AGBL1: variants seen among roughly 807,000 people sequenced by gnomAD.
The protein encoded by AGBL1 is AGBL carboxypeptidase 1, also known as cytosolic carboxypeptidase 4.
Under a neutral mutation model 118.9 loss-of-function variants are expected in AGBL1, and 130 were observed. The observed-to-expected ratio is 1.09, with a 90% CI of 0.95 to 1.26. The LOEUF is 1.26. Ranked by LOEUF, AGBL1 falls within the 50% of genes most tolerant of loss-of-function variation. The probability of loss-of-function intolerance (pLI) is 0.00; values close to 1 mark genes in which losing one functional copy is unlikely to be tolerated. For missense variants in AGBL1, 1,584 were observed against 1,298.1 expected (o/e 1.22, Z -3.38); for synonymous variants, 555 against 478.9 (o/e 1.16, Z -2.08).
At chr15:86,380,924 A>C (rs551781007) in intron 17 of AGBL1, among the ~76,000 whole-genome samples, 1 of 145,914 alleles carries the variant, frequency 6.9e-6, no homozygotes, top group Non-Finnish European at 1.5e-5. Flanking sequence ...TCTAATCCAC[A>C]TTACTTATAA....
At chr15:87,000,852 A>G (rs1201410973) in intron 24 of AGBL1, among the ~76,000 whole-genome samples, 3 of 147,632 alleles carry the variant, frequency 2.0e-5, no homozygotes, top group Admixed American at 6.9e-5. Context: ...GATTCTTCCT[A>G]CCCATGAGCA....
In AGBL1 at chr15:86,273,768, A is replaced by G. The variant is rs887648697; in HGVS notation, c.2075+2062A>G. On this transcript the variant is annotated intron_variant, in intron 15 of 22. Transcript: ENST00000614907. ...CTGTTAAAGTCCCAGATTTGGTGCC[A>G]TGTTTTAAGAGGATGCCAGGGTGCT... 2.0e-5 allele frequency among the ~76,000 whole-genome samples: 3 copies of G among 152,128 alleles called. No homozygotes were observed. The East Asian group carries it at 5.8e-4, about 29-fold the overall frequency.
intron 17 of AGBL1, among the ~76,000 whole-genome samples, chr15:86,357,269 A>G (rs896094409): frequency 2.6e-5 from 4 of 152,348 alleles, no homozygotes; most frequent in Admixed American, 2.6e-4. Context: ...TCTTCCAGTT[A>G]GAAGAATCTA....
chr15:86,369,433 G>T (rs2080938543), intron 17 of AGBL1, among the ~76,000 whole-genome samples: 1 of 152,040 alleles, frequency 6.6e-6, no homozygotes, highest in Non-Finnish European at 1.5e-5. Flanking sequence ...TCTATAATTT[G>T]ATTGACACTA....
At chr15:86,407,222 T>G (rs1292268354) in intron 18 of AGBL1, among the ~76,000 whole-genome samples, 1 of 152,200 alleles carries the variant, frequency 6.6e-6, no homozygotes, top group Non-Finnish European at 1.5e-5. Context: ...TTTAATTTCA[T>G]TTTGCAGACC....
chr15:86,262,760 A>G lies in AGBL1; in HGVS notation c.970-18A>G. On this transcript the variant is annotated intron_variant, in intron 9 of 22. Coordinates refer to ENST00000614907, the MANE Select transcript of AGBL1 (RefSeq NM_001386094.1). ...GGATTTCCTGACTGTAATCTCTTCT[A>G]TGACTATTCCATTTTAGGATGATGA... 1.3e-6 allele frequency: 2 copies of G among 1,527,820 alleles called. No homozygotes were observed. The highest frequency in any genetic ancestry group is 1.8e-6 in the Non-Finnish European group (2 of 1,110,808). 94.6% of individuals were successfully genotyped at this position (1,527,820 alleles called of 1,614,324 possible).
At chr15:86,220,823 G>T (rs2078268909) in intron 5 of AGBL1, among the ~76,000 whole-genome samples, 1 of 152,106 alleles carries the variant, frequency 6.6e-6, no homozygotes, top group African/African-American at 2.4e-5. Context: ...TCTCCCCTGG[G>T]CATCCCATAG....
intron 5 of AGBL1, among the ~76,000 whole-genome samples, chr15:86,165,841 C>T (rs559657544): frequency 6.6e-6 from 1 of 152,142 alleles, no homozygotes; most frequent in Non-Finnish European, 1.5e-5. Flanking sequence ...GGGGCGTGCA[C>T]CATGAGCTCA....
chr15:86,935,349 G>A (rs183232812), intron 23 of AGBL1, among the ~76,000 whole-genome samples: 1 of 152,156 alleles, frequency 6.6e-6, no homozygotes, highest in Non-Finnish European at 1.5e-5. Context: ...AATTGTACAC[G>A]TGAATACATT....
intron 18 of AGBL1, among the ~76,000 whole-genome samples, chr15:86,460,549 C>G (rs1257484291): frequency 6.6e-6 from 1 of 151,912 alleles, no homozygotes; most frequent in African/African-American, 2.4e-5. Context: ...AACAATGGTT[C>G]TTGTTAAACA....
chr15:86,969,995 T>C (rs2141701335), intron 23 of AGBL1, among the ~76,000 whole-genome samples: 1 of 151,966 alleles, frequency 6.6e-6, no homozygotes, highest in African/African-American at 2.4e-5. Flanking sequence ...ATAAGGAAGT[T>C]GGGTGGTAGG....
At chr15:86,319,328 T>G (rs144448113) in intron 17 of AGBL1, among the ~76,000 whole-genome samples, 2 of 152,214 alleles carry the variant, frequency 1.3e-5, no homozygotes, top group East Asian at 1.9e-4. Context: ...CTGGCTAACT[T>G]TCTGATTTTT....
At chr15:86,151,240 T>G (rs1219912375) in intron 3 of AGBL1, among the ~76,000 whole-genome samples, 1 of 150,912 alleles carries the variant, frequency 6.6e-6, no homozygotes, top group Non-Finnish European at 1.5e-5. Flanking sequence ...GCATGGCACG[T>G]GTATACATAT....
chr15:86,835,855 T>C (rs755802230), intron 22 of AGBL1, among the ~76,000 whole-genome samples: 13 of 152,162 alleles, frequency 8.5e-5, no homozygotes, highest in African/African-American at 3.1e-4. Context: ...CACAGAAATA[T>C]GTGTATGATC....
chr15:86,719,832 C>A (rs1407065299), intron 22 of AGBL1, among the ~76,000 whole-genome samples: 2 of 152,156 alleles, frequency 1.3e-5, no homozygotes, highest in Non-Finnish European at 2.9e-5. Flanking sequence ...AATACCCGTG[C>A]CTGTTTAGCA....
At chr15:87,015,366 A>G (rs568914976) in intron 24 of AGBL1, among the ~76,000 whole-genome samples, 14 of 152,018 alleles carry the variant, frequency 9.2e-5, no homozygotes, top group African/African-American at 2.4e-4. Context: ...CTGTCTGTCT[A>G]TCTATCTATC....
At chr15:86,606,301 T>G (rs1567080750) in intron 21 of AGBL1, among the ~76,000 whole-genome samples, 1 of 152,224 alleles carries the variant, frequency 6.6e-6, no homozygotes, top group Middle Eastern at 3.4e-3. Flanking sequence ...ACAATCTCCT[T>G]AGAAACAGAG....
intron 5 of AGBL1, among the ~76,000 whole-genome samples, chr15:86,180,466 T>A (rs1206711584): frequency 2.6e-5 from 4 of 152,104 alleles, no homozygotes; most frequent in Non-Finnish European, 4.4e-5. Flanking sequence ...AAAATCTGGA[T>A]ATTCATGTGC....
At chr15:86,242,749 T>C (rs192756595) in intron 6 of AGBL1, among the ~76,000 whole-genome samples, 10 of 152,318 alleles carry the variant, frequency 6.6e-5, no homozygotes, top group Non-Finnish European at 1.2e-4. Context: ...TCCCCAAATA[T>C]GGGAAATAAA....
Sources: gnomAD v4.1 joint callset for allele counts (sites outside exome capture counted in the v4.1 genomes callset) on GRCh38, gnomAD v4.1.1 for gene constraint, MANE v1.5 for transcripts, NCBI Gene and HGNC (gene_info 2026-07-23, HGNC 2026-07-21) for gene names.